The following CFAP47 variants were observed in gnomAD, a reference collection of about 807,000 sequenced individuals.
The protein encoded by CFAP47 is cilia- and flagella-associated protein 47.
CFAP47 carries 29 observed loss-of-function variants against 148.1 expected under a neutral mutation model. The ratio of observed to expected loss-of-function variants is 0.20; its 90% confidence interval spans 0.15 to 0.27. The LOEUF (loss-of-function observed/expected upper bound fraction) is 0.27, where lower values mean the gene tolerates loss of function less well. CFAP47 is among the 10% of genes least tolerant of loss of function. The pLI, the probability that CFAP47 is intolerant of heterozygous loss-of-function variation, is 1.00. For synonymous variants in CFAP47, 664 were observed against 577.3 expected (o/e 1.15, Z -2.15); for missense variants, 1,872 against 1,697.5 (o/e 1.10, Z -1.81).
At chrX:35,935,839 C>T (rs1230848726) in intron 2 of CFAP47, among the ~76,000 whole-genome samples, 1 of 111,202 alleles carries the variant, frequency 9.0e-6, no homozygotes, top group Non-Finnish European at 1.9e-5. Context: ...CACTTCCTTC[C>T]GGACTCCATG....
At chrX:36,326,976 T>C (rs1310106561) in intron 57 of CFAP47, among the ~76,000 whole-genome samples, 3 of 111,419 alleles carry the variant, frequency 2.7e-5, no homozygotes, top group Admixed American at 9.5e-5. Flanking sequence ...TAGAGATGTA[T>C]ATGTAAGACC....
intron 2 of CFAP47, among the ~76,000 whole-genome samples, chrX:35,938,042 A>C (rs1349030726): frequency 1.8e-5 from 2 of 111,677 alleles, no homozygotes; most frequent in Non-Finnish European, 3.8e-5. Flanking sequence ...GATTTTCATC[A>C]TTAGTTTGAA....
At chrX:36,122,478 G>A (rs756832590) in intron 33 of CFAP47, among the ~76,000 whole-genome samples, 3 of 110,782 alleles carry the variant, frequency 2.7e-5, no homozygotes. Flanking sequence ...TTGTAGACAT[G>A]CTACTTTTTT....
chrX:36,251,660 A>G (rs1389182953), intron 49 of CFAP47, among the ~76,000 whole-genome samples: 1 of 111,322 alleles, frequency 9.0e-6, no homozygotes, highest in Non-Finnish European at 1.9e-5. Context: ...CATTTATTCA[A>G]ATTTATTTGT....
At chrX:36,292,569 A>G (rs782702592) in intron 51 of CFAP47, among the ~76,000 whole-genome samples, 94 of 112,185 alleles carry the variant, frequency 8.4e-4, no homozygotes, top group African/African-American at 3.0e-3. Context: ...AAAATACTTC[A>G]TGCTAGTGCA....
At chrX:36,174,010 A>G (rs1203016693) in intron 39 of CFAP47, among the ~76,000 whole-genome samples, 1 of 109,936 alleles carries the variant, frequency 9.1e-6, no homozygotes, top group Non-Finnish European at 1.9e-5. Flanking sequence ...TATATTTAGG[A>G]TAGTTAGCTC....
chrX:36,110,482 T>C lies in CFAP47; in HGVS notation c.5320+5791T>C, dbSNP rs575174915. The stretch of plus-strand genomic sequence containing the variant: ...CCATTGGTTTATGTATCTGTTTTTG[T>C]ACCAGTCATCCCCTTTTTGTTACTG... On this transcript the variant is annotated intron_variant, in intron 33 of 63. Coordinates refer to ENST00000378653, the MANE Select transcript of CFAP47 (RefSeq NM_001304548.2). Among the ~76,000 whole-genome samples, 9 of 111,510 alleles carry C rather than the reference T, an allele frequency of 8.1e-5. No individual in the cohort carries two copies. The South Asian group carries it at 3.4e-3, about 42-fold the overall frequency.
At chrX:36,052,805 G>A (rs1228074661) in intron 26 of CFAP47, among the ~76,000 whole-genome samples, 1 of 112,422 alleles carries the variant, frequency 8.9e-6, no homozygotes, top group East Asian at 2.8e-4. Flanking sequence ...AATAATGAAG[G>A]TAATTCTAAA....
intron 3 of CFAP47, among the ~76,000 whole-genome samples, chrX:35,944,473 T>G (rs913960824): frequency 4.5e-5 from 5 of 112,082 alleles, no homozygotes; most frequent in African/African-American, 1.6e-4. Context: ...TAAATCCATA[T>G]GAGCATTCTG....
At chrX:36,062,982 A>T (rs1468493347) in intron 26 of CFAP47, among the ~76,000 whole-genome samples, 1 of 112,198 alleles carries the variant, frequency 8.9e-6, no homozygotes, top group Non-Finnish European at 1.9e-5. Flanking sequence ...ACGGCCAAAA[A>T]TAGTACAAGC....
intron 45 of CFAP47, among the ~76,000 whole-genome samples, chrX:36,222,114 T>G (rs907741574): frequency 8.9e-6 from 1 of 111,869 alleles, no homozygotes. Context: ...CTTAACAACT[T>G]TTCAGTAACA....
chrX:36,171,329 C>G (rs190391879), intron 39 of CFAP47, among the ~76,000 whole-genome samples: 1 of 110,803 alleles, frequency 9.0e-6, no homozygotes, highest in African/African-American at 3.3e-5. Context: ...ATTTTGGCTT[C>G]TGTTGCCATT....
chrX:36,238,908 C>G (rs1940506593), intron 48 of CFAP47, among the ~76,000 whole-genome samples: 1 of 112,053 alleles, frequency 8.9e-6, no homozygotes, highest in African/African-American at 3.2e-5. Context: ...CTATACCACT[C>G]CACTTTGATA....
In CFAP47 at chrX:36,233,366, G is replaced by A. The variant is rs1390710876; in HGVS notation, c.7015-2568G>A. Among the ~76,000 whole-genome samples the A allele has an allele frequency of 3.6e-5, 4 of 111,637 alleles. No homozygotes were observed. In the East Asian group the frequency reaches 1.1e-3, roughly 31 times the overall value. On this transcript the variant is annotated intron_variant, in intron 46 of 63. Coordinates refer to ENST00000378653, the MANE Select transcript of CFAP47 (RefSeq NM_001304548.2). ...GTTGAATTGATCCCTTTACCATTAT[G>A]TAATGGCTTCTTTGTCTCTTTTGAT... is the stretch of plus-strand genomic sequence containing the variant.
At chrX:35,976,315 A>G (rs1936569843) in intron 15 of CFAP47, among the ~76,000 whole-genome samples, 1 of 111,278 alleles carries the variant, frequency 9.0e-6, no homozygotes. Context: ...GGCAGAATTT[A>G]TTATTCCTCC....
At chrX:36,293,797 C>G (rs1405445420) in intron 51 of CFAP47, among the ~76,000 whole-genome samples, 1 of 111,273 alleles carries the variant, frequency 9.0e-6, no homozygotes, top group Non-Finnish European at 1.9e-5. Flanking sequence ...ATTTACAGCT[C>G]ATATCTGTGA....
chrX:36,354,820 T>C lies in CFAP47; in HGVS notation c.8851+1139T>C, dbSNP rs1309614007. On this transcript the variant is annotated intron_variant, in intron 60 of 63. Transcript: ENST00000378653. Reference sequence around the variant, plus strand: ...AAAGGGTCTTCTCATGACACATTGGTCTTGGCAATGATTTCATGGATATAA... The same window carrying C: ...AAAGGGTCTTCTCATGACACATTGGCCTTGGCAATGATTTCATGGATATAA... 9.9e-5 allele frequency among the ~76,000 whole-genome samples: 11 copies of C among 110,830 alleles called. No individual in the cohort carries two copies. In the Admixed American group the frequency reaches 1.1e-3, roughly 11 times the overall value.
In CFAP47 at chrX:36,291,755, A is replaced by G. The variant is rs182634282; in HGVS notation, c.7686+6029A>G. Among the ~76,000 whole-genome samples, 216 of 111,430 alleles carry G rather than the reference A, an allele frequency of 1.9e-3. 2 individuals carry two copies. The highest frequency in any genetic ancestry group is 6.4e-3 in the African/African-American group (196 of 30,658). ...GCACTGTTTGCTTAACTCGTGACAA[A>G]CACTCTTCAAAATGGCTGGCCTACA... On this transcript the variant is annotated intron_variant, in intron 51 of 63. Coordinates refer to ENST00000378653, the MANE Select transcript of CFAP47 (RefSeq NM_001304548.2).
At position 36,232,405 on chromosome X, in the gene CFAP47, G is replaced by A. The variant is rs1465922098; in HGVS notation, c.7015-3529G>A. Reference sequence around the variant, plus strand: ...GACTTTCTAGTTTATTTGCGTAGAGGTGTTTGTAGTATTCTCTGATGGTAG... The same window carrying A: ...GACTTTCTAGTTTATTTGCGTAGAGATGTTTGTAGTATTCTCTGATGGTAG... On this transcript the variant is annotated intron_variant, in intron 46 of 63. Transcript: ENST00000378653. Among the ~76,000 whole-genome samples, 229 of 111,797 alleles carry A rather than the reference G, an allele frequency of 2.0e-3. 1 individual carries two copies. Among genetic ancestry groups the A allele is most frequent in the African/African-American group, 7.0e-3 (215 of 30,810 alleles).
Sources: allele counts gnomAD v4.1 joint callset (sites outside exome capture counted in the v4.1 genomes callset), GRCh38; gene constraint gnomAD v4.1.1; transcripts MANE v1.5; gene names NCBI Gene and HGNC (gene_info 2026-07-23, HGNC 2026-07-21).